Variants in COL22A1 observed in about 807,000 individuals in gnomAD.
The protein encoded by COL22A1 is collagen type XXII alpha 1 chain.
A neutral mutation model predicts 248.9 loss-of-function variants in COL22A1; 221 were observed. That is an observed-to-expected ratio of 0.89 (90% CI 0.80 to 0.99). The LOEUF (loss-of-function observed/expected upper bound fraction) is 0.99. Among genes scored for constraint, COL22A1 ranks in the 50% least tolerant of loss-of-function variants. The pLI, the probability that COL22A1 is intolerant of heterozygous loss-of-function variation, is 0.00. For missense variants in COL22A1, 2,240 were observed against 2,179.0 expected, an observed-to-expected ratio of 1.03 and a Z score of -0.56; for synonymous variants, 891 against 793.4, an observed-to-expected ratio of 1.12 and a Z score of -2.07.
intron 35 of COL22A1, among the ~76,000 whole-genome samples, chr8:138,692,928 C>T (rs1827205443): frequency 6.6e-6 from 1 of 152,284 alleles, no homozygotes; most frequent in East Asian, 1.9e-4. Flanking sequence ...TATCAGCACC[C>T]TCTACCTGGT....
At chr8:138,628,388 A>T (rs6991254) in intron 50 of COL22A1, among the ~76,000 whole-genome samples, 107,448 of 152,086 alleles carry the variant, frequency 0.71, 41,257 homozygotes, top group Non-Finnish European at 0.86. Flanking sequence ...GGAGTTCAAG[A>T]TCAGCCTGGC....
intron 4 of COL22A1, among the ~76,000 whole-genome samples, chr8:138,839,146 T>C (rs1158579113): frequency 6.6e-6 from 1 of 152,188 alleles, no homozygotes; most frequent in African/African-American, 2.4e-5. Flanking sequence ...CTGTTCCTAT[T>C]CAAGCATTTG....
chr8:138,686,120 A>C (rs1826326765), intron 37 of COL22A1, among the ~76,000 whole-genome samples: 2 of 152,172 alleles, frequency 1.3e-5, no homozygotes, highest in South Asian at 4.1e-4. Flanking sequence ...TGTTCCCTGG[A>C]ACCCTGTAGA....
rs538101197 is a variant in COL22A1 at position 138,829,150 on chromosome 8, C to G, written c.846-2369G>C. ...TTTACATCTCCAGGCTGGGAGATGA[C>G]AGCCCAGTTGTTCAAAGTCATTCTC... On this transcript the variant is annotated intron_variant, in intron 5 of 64. Coordinates refer to ENST00000303045, the MANE Select transcript of COL22A1 (RefSeq NM_152888.3). Among the ~76,000 whole-genome samples, 9 of 152,276 alleles carry G rather than the reference C, an allele frequency of 5.9e-5. No individual in the cohort carries two copies. The South Asian group carries it at 1.9e-3, about 32-fold the overall frequency.
At chr8:138,741,359 C>T (rs934385184) in intron 22 of COL22A1, among the ~76,000 whole-genome samples, 4 of 152,192 alleles carry the variant, frequency 2.6e-5, no homozygotes, top group African/African-American at 9.7e-5. Flanking sequence ...TGAGTAGAAT[C>T]AAAGGAATTC....
intron 51 of COL22A1, among the ~76,000 whole-genome samples, chr8:138,625,561 G>T (rs1820170000): frequency 6.6e-6 from 1 of 152,144 alleles, no homozygotes; most frequent in South Asian, 2.1e-4. Flanking sequence ...AACATCTTTG[G>T]AAAGCAATTT....
chr8:138,891,240 G>A (rs375287198), intron 1 of COL22A1, among the ~76,000 whole-genome samples: 1 of 152,196 alleles, frequency 6.6e-6, no homozygotes, highest in Non-Finnish European at 1.5e-5. Flanking sequence ...TTGCTTAATG[G>A]TTGACAGATT....
At chr8:138,796,350 T>C (rs956649582) in intron 12 of COL22A1, among the ~76,000 whole-genome samples, 1 of 150,488 alleles carries the variant, frequency 6.6e-6, no homozygotes, top group Non-Finnish European at 1.5e-5. Context: ...GGTTTCCTTG[T>C]AAATGATGAG....
intron 11 of COL22A1, among the ~76,000 whole-genome samples, chr8:138,799,894 C>G (rs971113420): frequency 6.6e-6 from 1 of 152,180 alleles, no homozygotes; most frequent in African/African-American, 2.4e-5. Flanking sequence ...TTCTGGTAAA[C>G]TAGCTTTGGT....
intron 37 of COL22A1, among the ~76,000 whole-genome samples, chr8:138,685,739 G>A (rs535688277): frequency 6.6e-6 from 1 of 152,274 alleles, no homozygotes; most frequent in South Asian, 2.1e-4. Flanking sequence ...TTCCTTCACA[G>A]CCCTGAGAAG....
chr8:138,796,865 A>G lies in COL22A1; in HGVS notation c.1558-8T>C. 2 of 1,585,862 alleles carry G rather than the reference A, an allele frequency of 1.3e-6. No individual in the cohort carries two copies. Among genetic ancestry groups the G allele is most frequent in the South Asian group, 1.1e-5 (1 of 90,406 alleles). On this transcript the variant is annotated splice_polypyrimidine_tract_variant and splice_region_variant and intron_variant, in intron 11 of 64. Coordinates refer to ENST00000303045, the MANE Select transcript of COL22A1 (RefSeq NM_152888.3). The stretch of plus-strand genomic sequence containing the variant: ...GCCAAAAGGTCCTATGCCCTAGAAA[A>G]ATGAAAGAAGGCAAAGATTCACTAC...
chr8:138,598,348 G>T (rs567125516), intron 61 of COL22A1, among the ~76,000 whole-genome samples: 184 of 152,314 alleles, frequency 1.2e-3, no homozygotes, highest in Non-Finnish European at 2.0e-3. Context: ...ACCCCTGGGA[G>T]CTGGGTGTCT....
rs909424857 is a variant in COL22A1, at chr8:138,716,830, C to T, written c.2395G>A (p.Glu799Lys). 10 of 1,609,782 alleles carry T rather than the reference C, an allele frequency of 6.2e-6. No individual in the cohort carries two copies. In the African/African-American group the frequency reaches 1.2e-4, roughly 19 times the overall value. ...AAAAGCACAAACAAACAGACCTTCTCTCCAGGTCGGCCTGCCAGGCCCTGC... is the reference window on the plus strand; with the variant it reads ...AAAAGCACAAACAAACAGACCTTCTTTCCAGGTCGGCCTGCCAGGCCCTGC... ...GEQGLAGRPG[E>K]KGEAGLPGAP... The change falls in exon 28 of 65, where the codon GAG becomes AAG. Residue 799 changes from glutamate (E) to lysine (K), a missense_variant. Glu to Lys is a moderately conservative substitution (Grantham distance 56). Transcript: ENST00000303045.
intron 17 of COL22A1, 146 bp downstream of exon 17, chr8:138,762,267 G>T: frequency 2.8e-6 from 2 of 723,354 alleles, no homozygotes; most frequent in East Asian, 2.7e-5. Context: ...CACAGCCGGG[G>T]TCTGGTCCTA....
intron 3 of COL22A1, among the ~76,000 whole-genome samples, chr8:138,862,442 C>G (rs1322145096): frequency 6.6e-6 from 1 of 152,032 alleles, no homozygotes; most frequent in Non-Finnish European, 1.5e-5. Flanking sequence ...CACTGCTGTC[C>G]CTTTATAGTT....
rs901668580 is a variant in COL22A1 at position 138,818,673 on chromosome 8, A to G, written c.1245+2463T>C. ...GATGTCCACTCTATCTACTTTCTGA[A>G]GTTGTAAAGATTTTGGTCAGAAATG... On this transcript the variant is annotated intron_variant, in intron 7 of 64. Coordinates refer to ENST00000303045, the MANE Select transcript of COL22A1 (RefSeq NM_152888.3). Among the ~76,000 whole-genome samples the G allele has an allele frequency of 3.9e-5, 6 of 152,176 alleles. No homozygotes were observed. In the East Asian group the frequency reaches 9.6e-4, roughly 24 times the overall value.
At chr8:138,589,887 T>C (rs1164938947) in intron 64 of COL22A1, among the ~76,000 whole-genome samples, 1 of 152,156 alleles carries the variant, frequency 6.6e-6, no homozygotes, top group Non-Finnish European at 1.5e-5. Context: ...GACATTCCAT[T>C]GTGTAACATC....
intron 35 of COL22A1, among the ~76,000 whole-genome samples, chr8:138,691,448 T>C (rs1249282425): frequency 6.6e-6 from 1 of 151,732 alleles, no homozygotes. Context: ...AAGGTGTGTG[T>C]ATGTGTGTAC....
chr8:138,852,243 GGGTGGAGGCAAAGGCCA>G (rs1821699442), intron 3 of COL22A1, among the ~76,000 whole-genome samples: 1 of 152,248 alleles, frequency 6.6e-6, no homozygotes, highest in Middle Eastern at 3.4e-3. Context: ...GACAGGGAAA[GGGTGGAGGCAAAGGCCA>G]GCCAGGAGGC....
Sources: gnomAD v4.1 joint callset for allele counts (sites outside exome capture counted in the v4.1 genomes callset) on GRCh38, gnomAD v4.1.1 for gene constraint, MANE v1.5 for transcripts, NCBI Gene and HGNC (gene_info 2026-07-23, HGNC 2026-07-21) for gene names.